The following USP36 variants were observed in gnomAD, a reference collection of about 807,000 sequenced individuals.
The protein encoded by USP36 is ubiquitin carboxyl-terminal hydrolase 36.
A neutral mutation model predicts 111.5 loss-of-function variants in USP36; 59 were observed. The observed-to-expected ratio is 0.53, with a 90% CI of 0.43 to 0.66. The LOEUF (loss-of-function observed/expected upper bound fraction) is 0.66. Ranked by LOEUF, USP36 falls within the 30% of genes least tolerant of loss-of-function variation. The pLI, the probability that USP36 is intolerant of heterozygous loss-of-function variation, is 0.00. For synonymous variants in USP36, 628 were observed against 581.0 expected (o/e 1.08, Z -1.16); for missense variants, 1,488 against 1,468.0 (o/e 1.01, Z -0.22).
Position 78,834,997 on chromosome 17 carries a change from G to GTATATATA in USP36, c.475+275_475+282dup, listed in dbSNP as rs10527657. Among the ~76,000 whole-genome samples, 811 of 141,412 alleles carry GTATATATA rather than the reference G, an allele frequency of 5.7e-3. 9 individuals carry two copies. The highest frequency in any genetic ancestry group is 0.015 in the African/African-American group (538 of 35,844). 92.8% of individuals were successfully genotyped at this position (141,412 alleles called of 152,430 possible). On this transcript the variant is annotated intron_variant, in intron 4 of 20. Transcript: ENST00000449938. ...TACTGTCTCTAAAAAAATAATATTT[G>GTATATATA]TATATATATATATATATATATTTTG...
intron 3 of USP36, 21 bp from the exon 4 acceptor site, chr17:78,835,522 G>A (rs371063116): frequency 1.9e-6 from 3 of 1,571,448 alleles, no homozygotes; most frequent in African/African-American, 2.7e-5. Flanking sequence ...AAGGGACAAG[G>A]GAAGAAAAGA....
chr17:78,827,760 T>C (rs961053710), intron 5 of USP36, among the ~76,000 whole-genome samples: 16 of 151,980 alleles, frequency 1.1e-4, no homozygotes, highest in South Asian at 6.2e-4. Context: ...AATAAAAAAA[T>C]TAGCCAGGCA....
At position 78,797,247 on chromosome 17, in the gene USP36, C is replaced by G. The variant is rs893776206; in HGVS notation, c.*653G>C. 1 of 152,194 alleles carries G rather than the reference C, an allele frequency of 6.6e-6. No homozygotes were observed. The highest frequency in any genetic ancestry group is 1.9e-4 in the East Asian group (1 of 5,204). 9.4% of individuals were successfully genotyped at this position (152,194 alleles called of 1,614,324 possible). On this transcript the variant is annotated 3_prime_UTR_variant, in exon 21 of 21. Transcript: ENST00000449938. Reference sequence around the variant, plus strand: ...TATTCGCAGGTATCGAGGGCTCCTCCGACCCCAAATAGCCTCTGCTCTCCA... The same window carrying G: ...TATTCGCAGGTATCGAGGGCTCCTCGGACCCCAAATAGCCTCTGCTCTCCA...
At chr17:78,820,453 A>ACCCTGTCCCTCAAGC (rs1242933699) in intron 8 of USP36, among the ~76,000 whole-genome samples, 25 of 152,074 alleles carry the variant, frequency 1.6e-4, no homozygotes, top group Non-Finnish European at 2.2e-4. Context: ...ACAGAGCAAG[A>ACCCTGTCCCTCAAGC]CCCTGTCCCT....
At chr17:78,830,318 A>G (rs9889651) in intron 4 of USP36, among the ~76,000 whole-genome samples, 8,640 of 152,300 alleles carry the variant, frequency 0.057, 778 homozygotes, top group African/African-American at 0.19. Context: ...ACAAAAATCC[A>G]TGTTGCTAGA....
In USP36 at chr17:78,827,289, G is replaced by A. The variant is rs750917241; in HGVS notation, c.645C>T (p.Tyr215=). 2.5e-6 allele frequency: 4 copies of A among 1,614,086 alleles called. No individual in the cohort carries two copies. Among genetic ancestry groups the A allele is most frequent in the Admixed American group, 1.7e-5 (1 of 60,030 alleles). ...NQEDAHEFLR[Y]TIDAMQKACL... The stretch of plus-strand genomic sequence containing the variant: ...AGGCTTTCTGCATGGCGTCGATGGT[G>A]TACCGCAGGAACTCATGCGCGTCCT... Residue 215 remains tyrosine, a synonymous_variant, in exon 6 of 21, where the codon TAC becomes TAT. Transcript: ENST00000449938.
intron 4 of USP36, among the ~76,000 whole-genome samples, chr17:78,835,018 T>TATATATATATA (rs1567972747): frequency 6.7e-6 from 1 of 149,124 alleles, no homozygotes; most frequent in African/African-American, 2.5e-5. Context: ...TATATATATA[T>TATATATATATA]TTTGGAAGTA....
chr17:78,840,849 G>A (rs1488269319), upstream of USP36: 2 of 152,358 alleles, frequency 1.3e-5, no homozygotes, highest in South Asian at 4.1e-4. Flanking sequence ...GTGTCACCGC[G>A]ACGCTTAAAG....
At chr17:78,790,580 C>G (rs2093575285) in intron 3 of USP36, among the ~76,000 whole-genome samples, 1 of 152,166 alleles carries the variant, frequency 6.6e-6, no homozygotes, top group African/African-American at 2.4e-5. Context: ...TACAAGCCAC[C>G]ATGCCTGGCC....
At chr17:78,804,997 C>T (rs1361636885) in intron 15 of USP36, among the ~76,000 whole-genome samples, 3 of 152,096 alleles carry the variant, frequency 2.0e-5, no homozygotes, top group African/African-American at 7.2e-5. Flanking sequence ...GAAACCGGGA[C>T]ACAGATGCGT....
At chr17:78,787,936 T>C (rs1455672489) in intron 3 of USP36, among the ~76,000 whole-genome samples, 2 of 152,004 alleles carry the variant, frequency 1.3e-5, no homozygotes, top group Non-Finnish European at 2.9e-5. Context: ...GGAAGCACAG[T>C]GGAGTGATGT....
chr17:78,838,028 T>C (rs1236108536), intron 2 of USP36, among the ~76,000 whole-genome samples: 1 of 152,122 alleles, frequency 6.6e-6, no homozygotes, highest in Non-Finnish European at 1.5e-5. Flanking sequence ...GAGGCTGCAG[T>C]GAGCTATGAT....
At chr17:78,793,594 C>T (rs774988287), downstream of USP36, among the ~76,000 whole-genome samples, 3 of 152,120 alleles carry the variant, frequency 2.0e-5, no homozygotes, top group Non-Finnish European at 4.4e-5. Flanking sequence ...GAAAGCTGCC[C>T]GTCTGCATGT....
At chr17:78,794,388 C>G (rs2093606422), downstream of USP36, among the ~76,000 whole-genome samples, 1 of 152,206 alleles carries the variant, frequency 6.6e-6, no homozygotes, top group Admixed American at 6.5e-5. Context: ...CCAGCTGAGT[C>G]CTGCTGGCCA....
intron 10 of USP36, 63 bp downstream of exon 10, chr17:78,818,604 C>G: frequency 6.9e-7 from 1 of 1,442,084 alleles, no homozygotes; most frequent in Non-Finnish European, 9.8e-7. Flanking sequence ...TCACTTTCTT[C>G]GTGTTATTCT....
At chr17:78,811,340 A>C (rs554411299) in intron 13 of USP36, among the ~76,000 whole-genome samples, 1 of 152,036 alleles carries the variant, frequency 6.6e-6, no homozygotes, top group African/African-American at 2.4e-5. Context: ...AACCTTTATC[A>C]TCCTCTCTCT....
chr17:78,832,296 T>C (rs1188897639), intron 4 of USP36, among the ~76,000 whole-genome samples: 1 of 152,186 alleles, frequency 6.6e-6, no homozygotes, highest in African/African-American at 2.4e-5. Context: ...CAAACACCCC[T>C]TAGGATCCTC....
chr17:78,799,345 A>G (rs1328498637), intron 18 of USP36, among the ~76,000 whole-genome samples: 1 of 152,216 alleles, frequency 6.6e-6, no homozygotes, highest in African/African-American at 2.4e-5. Flanking sequence ...GCTCTGAGCA[A>G]GAAGTGACAT....
Position 78,814,486 on chromosome 17 carries a change from T to C in USP36, c.1090A>G (p.Met364Val). Residue 364 changes from methionine (M) to valine (V), a missense_variant, in exon 11 of 21, where the codon ATG (methionine) becomes GTG (valine). Transcript: ENST00000449938. ...ACCAGGACAGCATAGAGTCCATACA[T>C]GACAGGATCACCATTATTCTGGGAC... ...YMSQNNGDPV[M>V]YGLYAVLVHS... The C allele has an allele frequency of 6.2e-7, 1 of 1,614,196 alleles. No individual in the cohort carries two copies. The highest frequency in any genetic ancestry group is 8.5e-7 in the Non-Finnish European group (1 of 1,180,024).
Sources: gnomAD v4.1 joint callset for allele counts (sites outside exome capture counted in the v4.1 genomes callset) on GRCh38, gnomAD v4.1.1 for gene constraint, MANE v1.5 for transcripts, NCBI Gene and HGNC (gene_info 2026-07-23, HGNC 2026-07-21) for gene names.